PPP1R14A: variants seen among roughly 807,000 people sequenced by gnomAD.
PPP1R14A encodes the protein protein phosphatase 1 regulatory inhibitor subunit 14A.
In PPP1R14A, 9 loss-of-function variants were observed where a neutral mutation model predicts 14.1. The observed-to-expected ratio is 0.64, with a 90% CI of 0.38 to 1.11. The LOEUF (loss-of-function observed/expected upper bound fraction) is 1.11, where lower values mean the gene tolerates loss of function less well. PPP1R14A is among the 50% of genes most tolerant of loss of function. The pLI is 0.01. For synonymous variants in PPP1R14A, 93 were observed against 88.7 expected (o/e 1.05, Z -0.27); for missense variants, 208 against 200.7 (o/e 1.04, Z -0.22).
chr19:38,256,164 C>A lies in PPP1R14A; in HGVS notation c.176G>T (p.Arg59Leu), dbSNP rs781410125. 3 of 1,548,628 alleles carry A rather than the reference C, an allele frequency of 1.9e-6. No homozygotes were observed. Among genetic ancestry groups the A allele is most frequent in the Middle Eastern group, 1.7e-4 (1 of 5,774 alleles). ...RLDVEKWIDGRLEELYRGMEA... is the reference protein window; with the variant it reads ...RLDVEKWIDGLLEELYRGMEA... Reference sequence around the variant, plus strand: ...CATGCCGCGGTACAGCTCCTCCAGGCGCCCGTCGATCCACTTCTCCACGTC... The same window carrying A: ...CATGCCGCGGTACAGCTCCTCCAGGAGCCCGTCGATCCACTTCTCCACGTC... Residue 59 changes from arginine to leucine, a missense_variant, in exon 1 of 4, where the codon CGC becomes CTC. Physicochemically the swap from Arg to Leu is moderately radical, Grantham distance 102. Transcript: ENST00000301242. The surrounding 1 kb of genome is among the most constrained non-coding windows in gnomAD (Gnocchi z 5.7).
chr19:38,253,124 G>A, intron 1 of PPP1R14A, 150 bp from the exon 2 acceptor site: 2 of 629,624 alleles, frequency 3.2e-6, no homozygotes, highest in Non-Finnish European at 5.6e-6. Context: ...CTGCCAAGAC[G>A]GGACATCTGG....
intron 1 of PPP1R14A, among the ~76,000 whole-genome samples, chr19:38,255,033 C>G (rs1038493834): frequency 1.1e-4 from 17 of 152,196 alleles, no homozygotes; most frequent in Admixed American, 1.1e-3. Flanking sequence ...ATCCGCCCGC[C>G]TCGGCCTCCC....
intron 1 of PPP1R14A, 157 bp from the exon 2 acceptor site, chr19:38,253,131 C>G: frequency 1.6e-6 from 1 of 612,084 alleles, no homozygotes; most frequent in South Asian, 1.9e-5. Context: ...GACGGGACAT[C>G]TGGGTGTTGG....
At chr19:38,254,824 G>C (rs1385626336) in intron 1 of PPP1R14A, among the ~76,000 whole-genome samples, 1 of 151,694 alleles carries the variant, frequency 6.6e-6, no homozygotes, top group African/African-American at 2.4e-5. Flanking sequence ...ACGGAGTTTC[G>C]CTCTTGTTGC....
chr19:38,256,359 TG>T lies in PPP1R14A; in HGVS notation c.-21del. On this transcript the variant is annotated 5_prime_UTR_variant, in exon 1 of 4. Coordinates refer to ENST00000301242, the MANE Select transcript of PPP1R14A (RefSeq NM_033256.3). This position sits in a 1 kb window ranked among gnomAD's most constrained non-coding sequence, Gnocchi z 5.7. ...TGCCATCGCGCTGCTGGACCCAGCC[TG>T]GCCCCGCGCTGTGCGCCTTCGCCTC... 1 of 1,431,570 alleles carries T rather than the reference TG, an allele frequency of 7.0e-7. No individual in the cohort carries two copies. The highest frequency in any genetic ancestry group is 9.1e-7 in the Non-Finnish European group (1 of 1,099,066). 88.7% of individuals were successfully genotyped at this position (1,431,570 alleles called of 1,614,324 possible).
Position 38,256,157 on chromosome 19 carries a change from C to T in PPP1R14A, c.183G>A (p.Glu61=), listed in dbSNP as rs1298466686. 6.5e-7 allele frequency: 1 copy of T among 1,548,478 alleles called. No individual in the cohort carries two copies. Among genetic ancestry groups the T allele is most frequent in the Admixed American group, 1.9e-5 (1 of 51,980 alleles). ...DVEKWIDGRL[E]ELYRGMEADM... is the part of the protein sequence containing the mutation. ...GGCTCACCATGCCGCGGTACAGCTC[C>T]TCCAGGCGCCCGTCGATCCACTTCT... The change falls in exon 1 of 4, where the codon GAG becomes GAA. Residue 61 remains glutamate (E), a synonymous_variant. Coordinates refer to ENST00000301242, the MANE Select transcript of PPP1R14A (RefSeq NM_033256.3). The surrounding 1 kb of genome is among the most constrained non-coding windows in gnomAD (Gnocchi z 5.7).
At chr19:38,251,541 G>C in intron 3 of PPP1R14A, 95 bp from the exon 4 acceptor site, 8 of 1,108,076 alleles carry the variant, frequency 7.2e-6, no homozygotes, top group Non-Finnish European at 9.7e-6. Flanking sequence ...GCCTCCTCCT[G>C]TTCTCTGATT....
In PPP1R14A at chr19:38,256,011, G is replaced by C. The variant is rs1030217590; in HGVS notation, c.201+128C>G. On this transcript the variant is annotated intron_variant, in intron 1 of 3. Coordinates refer to ENST00000301242, the MANE Select transcript of PPP1R14A (RefSeq NM_033256.3). The surrounding 1 kb of genome is among the most constrained non-coding windows in gnomAD (Gnocchi z 5.7). Reference sequence around the variant, plus strand: ...GCCAATGAGTGCCCGGCCCTGGGGCGCTCGTCCTCTTGTGCAGACCAGGCT... The same window carrying C: ...GCCAATGAGTGCCCGGCCCTGGGGCCCTCGTCCTCTTGTGCAGACCAGGCT... The C allele has an allele frequency of 1.1e-4, 91 of 832,576 alleles. No individual in the cohort carries two copies. The highest frequency in any genetic ancestry group is 1.4e-4 in the Non-Finnish European group (77 of 554,858). The allele number at this position is 832,576 out of a possible 1,614,324, so 51.6% of individuals were successfully genotyped here. A position where few individuals can be genotyped will look rare whatever the true frequency, so the allele number is the denominator to read the frequency against.
At chr19:38,251,977 GGGGTGGC>G in intron 3 of PPP1R14A, 1 of 429,072 alleles carries the variant, frequency 2.3e-6, no homozygotes, top group East Asian at 3.9e-5. Flanking sequence ...AAGGGAGCCC[GGGGTGGC>G]GGAGGCAGTG....
intron 3 of PPP1R14A, 43 bp from the exon 4 acceptor site, chr19:38,251,489 G>A (rs756933705): frequency 2.6e-6 from 4 of 1,514,910 alleles, no homozygotes; most frequent in South Asian, 1.3e-5. Context: ...AACAGTGCGG[G>A]GGCACCCTCT....
chr19:38,251,276 C>A lies in PPP1R14A; in HGVS notation c.*42G>T. ...CCATTAAATACAACTTATACACAAG[C>A]AAGCTGGGCGGCGTCCGGGGGGCAG... On this transcript the variant is annotated 3_prime_UTR_variant, in exon 4 of 4. Coordinates refer to ENST00000301242, the MANE Select transcript of PPP1R14A (RefSeq NM_033256.3). The A allele has an allele frequency of 1.4e-6, 2 of 1,404,598 alleles. No individual in the cohort carries two copies. Among genetic ancestry groups the A allele is most frequent in the South Asian group, 1.7e-5 (1 of 59,386 alleles). 87.0% of individuals were successfully genotyped at this position (1,404,598 alleles called of 1,614,324 possible).
Position 38,256,307 on chromosome 19 carries a change from C to T in PPP1R14A, c.33G>A (p.Leu11=), listed in dbSNP as rs1229465517. The change falls in exon 1 of 4, where the codon CTG becomes CTA. Residue 11 remains leucine (L), a synonymous_variant. Transcript: ENST00000301242. The surrounding 1 kb of genome is among the most constrained non-coding windows in gnomAD (Gnocchi z 5.7). ...CCCGCGATGGAGACTGCAGCTTGCT[C>T]AGCACGCGCTTGCCCAGCCGCTGAG... is the stretch of plus-strand genomic sequence containing the variant. MAAQRLGKRV[L]SKLQSPSRAR... is the part of the protein sequence containing the mutation. 9.2e-6 allele frequency: 14 copies of T among 1,528,064 alleles called. No homozygotes were observed. Among genetic ancestry groups the T allele is most frequent in the South Asian group, 1.2e-5 (1 of 83,152 alleles). 94.7% of individuals were successfully genotyped at this position (1,528,064 alleles called of 1,614,324 possible).
At chr19:38,255,609 TGAACTGTAG>T (rs2146257035) in intron 1 of PPP1R14A, among the ~76,000 whole-genome samples, 1 of 150,528 alleles carries the variant, frequency 6.6e-6, no homozygotes, top group East Asian at 2.0e-4. Flanking sequence ...TAGCATATGT[TGAACTGTAG>T]GTGACCCCCC....
intron 3 of PPP1R14A, chr19:38,251,922 C>G: frequency 2.8e-6 from 1 of 361,996 alleles, no homozygotes. Flanking sequence ...GGTTGGGCCG[C>G]TCAGCTTCAG....
intron 1 of PPP1R14A, among the ~76,000 whole-genome samples, chr19:38,254,863 G>A (rs1021507275): frequency 2.0e-5 from 3 of 151,806 alleles, no homozygotes; most frequent in African/African-American, 4.8e-5. Context: ...GCGGGATCTC[G>A]GCTCACCGCA....
chr19:38,253,814 C>T (rs1346000902), intron 1 of PPP1R14A, among the ~76,000 whole-genome samples: 1 of 152,224 alleles, frequency 6.6e-6, no homozygotes, highest in African/African-American at 2.4e-5. Flanking sequence ...GTGTGAGTCT[C>T]TGCCAGGGCC....
chr19:38,254,124 C>T (rs968728545), intron 1 of PPP1R14A, among the ~76,000 whole-genome samples: 2 of 152,232 alleles, frequency 1.3e-5, no homozygotes, highest in South Asian at 2.1e-4. Flanking sequence ...CCACCATTGT[C>T]GCACCATGAA....
rs114070242 is a variant in PPP1R14A at position 38,254,733 on chromosome 19, G to A, written c.201+1406C>T. The stretch of plus-strand genomic sequence containing the variant: ...CTGTGGCTTAGGCTCTTGTGTGCCT[G>A]TGAGCAGCGGTGGGTTCTGCAGTTG... On this transcript the variant is annotated intron_variant, in intron 1 of 3. Coordinates refer to ENST00000301242, the MANE Select transcript of PPP1R14A (RefSeq NM_033256.3). 2.9e-3 allele frequency among the ~76,000 whole-genome samples: 435 copies of A among 152,374 alleles called. 4 individuals carry two copies. Among genetic ancestry groups the A allele is most frequent in the African/African-American group, 0.01 (420 of 41,584 alleles).
intron 1 of PPP1R14A, among the ~76,000 whole-genome samples, chr19:38,255,074 G>A (rs532204057): frequency 3.9e-4 from 60 of 152,224 alleles, no homozygotes; most frequent in Non-Finnish European, 6.0e-4. Context: ...GTGAGCCACC[G>A]TGCCCGGTGC....
Sources: gnomAD v4.1 joint callset for allele counts (sites outside exome capture counted in the v4.1 genomes callset) on GRCh38, gnomAD v4.1.1 for gene constraint, Gnocchi (gnomAD v3.1) non-coding constraint, MANE v1.5 for transcripts, NCBI Gene and HGNC (gene_info 2026-07-23, HGNC 2026-07-21) for gene names.